RPA1: variants seen among roughly 807,000 people sequenced by gnomAD.
RPA1 encodes the protein replication protein A1.
A neutral mutation model predicts 83.0 loss-of-function variants in RPA1; 49 were observed. The observed-to-expected ratio is 0.59, with a 90% CI of 0.47 to 0.75. RPA1 has a LOEUF of 0.75. RPA1 is among the 30% of genes least tolerant of loss of function. The pLI is 0.00. For synonymous variants in RPA1, 279 were observed against 281.8 expected, an observed-to-expected ratio of 0.99 and a Z score of 0.10; for missense variants, 693 against 776.1, an observed-to-expected ratio of 0.89 and a Z score of 1.27.
chr17:1,889,527 G>A (rs1206366919), intron 14 of RPA1, among the ~76,000 whole-genome samples: 1 of 152,088 alleles, frequency 6.6e-6, no homozygotes, highest in African/African-American at 2.4e-5. Context: ...TTATTGTAGA[G>A]ACAGGGTCTC....
At chr17:1,873,624 G>C (rs966072976) in intron 6 of RPA1, among the ~76,000 whole-genome samples, 1 of 151,962 alleles carries the variant, frequency 6.6e-6, no homozygotes, top group Non-Finnish European at 1.5e-5. Flanking sequence ...TACCTCTCTC[G>C]CTCTTGCACG....
At chr17:1,878,913 G>A (rs1185260446) in intron 8 of RPA1, 80 bp from the exon 9 acceptor site, 1 of 1,400,196 alleles carries the variant, frequency 7.1e-7, no homozygotes, top group Non-Finnish European at 1.0e-6. Context: ...GGTGGCCTGT[G>A]TTCTATCCCA....
Position 1,845,162 on chromosome 17 carries a change from T to TTGTGTGTCTG in RPA1, c.272+483_272+484insCTGTGTGTGT, listed in dbSNP as rs375097291. Among the ~76,000 whole-genome samples, 3 of 141,608 alleles carry TTGTGTGTCTG rather than the reference T, an allele frequency of 2.1e-5. No individual in the cohort carries two copies. The South Asian group carries it at 6.6e-4, about 31-fold the overall frequency. The allele number at this position is 141,608 out of a possible 152,430, so 92.9% of individuals were successfully genotyped here. A position where few individuals can be genotyped will look rare whatever the true frequency, so the allele number is the denominator to read the frequency against. ...ATGATAATTATTTTGTAATGCTGCTTTGTGTGTGTGTGTGTGTGTGTGTGT... is the reference window on the plus strand; with the variant it reads ...ATGATAATTATTTTGTAATGCTGCTTTGTGTGTCTGTGTGTGTGTGTGTGTGTGTGTGTGT... On this transcript the variant is annotated intron_variant, in intron 4 of 16. Coordinates refer to ENST00000254719, the MANE Select transcript of RPA1 (RefSeq NM_002945.5).
chr17:1,875,841 G>C, intron 7 of RPA1, 48 bp downstream of exon 7: 1 of 1,566,526 alleles, frequency 6.4e-7, no homozygotes. Flanking sequence ...TGAAATCGGA[G>C]AAGCTATTAT....
intron 4 of RPA1, among the ~76,000 whole-genome samples, chr17:1,851,428 G>T (rs1011267162): frequency 2.0e-5 from 3 of 152,134 alleles, no homozygotes; most frequent in Non-Finnish European, 4.4e-5. Flanking sequence ...AAGAAACCAG[G>T]TCATTTATCC....
At chr17:1,843,598 C>CATTATTATTATTATTATTATT (rs139126914) in intron 2 of RPA1, among the ~76,000 whole-genome samples, 19 of 141,118 alleles carry the variant, frequency 1.3e-4, no homozygotes, top group East Asian at 1.0e-3. Context: ...TTGGGTGCTT[C>CATTATTATTATTATTATTATT]ATTATTATTA....
In RPA1 at chr17:1,888,578, TACC is replaced by T. The variant is rs1914080873; in HGVS notation, c.1375-93_1375-91del. The T allele has an allele frequency of 5.8e-6, 7 of 1,200,380 alleles. No individual in the cohort carries two copies. In the Admixed American group the frequency reaches 9.4e-5, roughly 16 times the overall value. The allele number at this position is 1,200,380 out of a possible 1,614,324, so 74.4% of individuals were successfully genotyped here. Reference sequence around the variant, plus strand: ...GTAATCTTGAGGATGTAGAAACACTTACCACCTAAACGTAAGGGCAGGCTTTGA... The same window carrying T: ...GTAATCTTGAGGATGTAGAAACACTTACCTAAACGTAAGGGCAGGCTTTGA... On this transcript the variant is annotated intron_variant, in intron 13 of 16. Coordinates refer to ENST00000254719, the MANE Select transcript of RPA1 (RefSeq NM_002945.5).
chr17:1,863,509 G>A (rs1316972007), intron 5 of RPA1, among the ~76,000 whole-genome samples: 2 of 152,048 alleles, frequency 1.3e-5, no homozygotes, highest in East Asian at 3.9e-4. Flanking sequence ...CACCGTGCCT[G>A]GCCCCAACTA....
chr17:1,894,866 A>G (rs889784845), intron 15 of RPA1, 143 bp from the exon 16 acceptor site: 5 of 602,658 alleles, frequency 8.3e-6, no homozygotes, highest in Non-Finnish European at 1.2e-5. Context: ...AGTTTCATGT[A>G]ATGTTACCTG....
intron 5 of RPA1, among the ~76,000 whole-genome samples, chr17:1,865,914 C>T (rs559197076): frequency 3.3e-5 from 5 of 152,254 alleles, no homozygotes; most frequent in South Asian, 4.1e-4. Context: ...GGATTACAGG[C>T]GTGAGCGCTG....
chr17:1,896,125 C>G (rs565474496), intron 16 of RPA1, among the ~76,000 whole-genome samples: 11 of 152,336 alleles, frequency 7.2e-5, no homozygotes, highest in Admixed American at 7.2e-4. Flanking sequence ...GAAGGAATTA[C>G]ATACAGAGAG....
intron 2 of RPA1, among the ~76,000 whole-genome samples, chr17:1,843,227 G>C (rs1912123514): frequency 6.6e-6 from 1 of 151,338 alleles, no homozygotes; most frequent in Non-Finnish European, 1.5e-5. Flanking sequence ...ACATTCTTCA[G>C]TTAACACATC....
chr17:1,858,875 G>A (rs1818740275), intron 5 of RPA1, among the ~76,000 whole-genome samples: 1 of 149,244 alleles, frequency 6.7e-6, no homozygotes, highest in African/African-American at 2.5e-5. Flanking sequence ...GTCTTATTTT[G>A]TTTTATTTTA....
intron 4 of RPA1, among the ~76,000 whole-genome samples, chr17:1,847,230 A>G (rs1912296663): frequency 6.6e-6 from 1 of 152,204 alleles, no homozygotes; most frequent in African/African-American, 2.4e-5. Context: ...TTGCTCTGAC[A>G]TAGTCTAGGC....
chr17:1,846,787 TCTTTA>T (rs1597424899), intron 4 of RPA1, among the ~76,000 whole-genome samples: 5 of 152,266 alleles, frequency 3.3e-5, no homozygotes, highest in Admixed American at 2.6e-4. Flanking sequence ...TCCGCATAGG[TCTTTA>T]CTTTAACCTT....
Position 1,893,060 on chromosome 17 carries a change from TC to T in RPA1, c.1659+1124del, listed in dbSNP as rs575457208. 7.4e-3 allele frequency among the ~76,000 whole-genome samples: 1,135 copies of T among 152,364 alleles called. 5 individuals are homozygous for T. Among genetic ancestry groups the T allele is most frequent in the Non-Finnish European group, 0.012 (817 of 68,038 alleles). ...TGGTGTGTTTTTCTTTTTCTTCCTG[TC>T]CCCAGTTCTGTCTGTTTGGGCTCTG... On this transcript the variant is annotated intron_variant, in intron 15 of 16. Coordinates refer to ENST00000254719, the MANE Select transcript of RPA1 (RefSeq NM_002945.5).
At chr17:1,872,370 C>G in intron 5 of RPA1, 64 bp from the exon 6 acceptor site, 1 of 1,576,786 alleles carries the variant, frequency 6.3e-7, no homozygotes, top group Admixed American at 1.9e-5. Context: ...TTCCTTCTAC[C>G]CAAGTTTAAA....
Position 1,852,654 on chromosome 17 carries a change from G to A in RPA1, c.273-447G>A, listed in dbSNP as rs17338635. Among the ~76,000 whole-genome samples, 941 of 152,294 alleles carry A rather than the reference G, an allele frequency of 6.2e-3. 11 individuals carry two copies. Among genetic ancestry groups the A allele is most frequent in the African/African-American group, 0.021 (879 of 41,552 alleles). ...AAGGTCATTGGGAAGTTATCACAAC[G>A]TTTTAATTAGAGTTAAAAAGCAAAA... is the stretch of plus-strand genomic sequence containing the variant. On this transcript the variant is annotated intron_variant, in intron 4 of 16. Coordinates refer to ENST00000254719, the MANE Select transcript of RPA1 (RefSeq NM_002945.5).
intron 5 of RPA1, among the ~76,000 whole-genome samples, chr17:1,861,729 T>C (rs937326438): frequency 6.6e-6 from 1 of 151,940 alleles, no homozygotes; most frequent in Non-Finnish European, 1.5e-5. Context: ...GCTCTCTCTT[T>C]TTTTTTTTTC....
Sources: allele counts gnomAD v4.1 joint callset (sites outside exome capture counted in the v4.1 genomes callset), GRCh38; gene constraint gnomAD v4.1.1; transcripts MANE v1.5; gene names NCBI Gene and HGNC (gene_info 2026-07-23, HGNC 2026-07-21).